Variants in LIMCH1 observed in about 807,000 individuals in gnomAD.
The protein encoded by LIMCH1 is LIM and calponin homology domains-containing protein 1.
A neutral mutation model predicts 176.5 loss-of-function variants in LIMCH1; 113 were observed. The observed-to-expected ratio is 0.64, with a 90% CI of 0.55 to 0.75. The LOEUF is 0.75. Among genes scored for constraint, LIMCH1 ranks in the 30% least tolerant of loss-of-function variants. The pLI is 0.00. For synonymous variants in LIMCH1, 619 were observed against 645.9 expected (o/e 0.96, Z 0.63); for missense variants, 1,674 against 1,814.9 (o/e 0.92, Z 1.41).
At chr4:41,619,150 C>T (rs1434725959) in intron 5 of LIMCH1, 38 bp from the exon 6 acceptor site, 1 of 1,609,936 alleles carries the variant, frequency 6.2e-7, no homozygotes, top group South Asian at 1.1e-5. Flanking sequence ...TTCTGCTAGC[C>T]TAACACACTT....
intron 1 of LIMCH1, among the ~76,000 whole-genome samples, chr4:41,369,806 C>A (rs776340690): frequency 6.6e-6 from 1 of 152,090 alleles, no homozygotes; most frequent in African/African-American, 2.4e-5. Context: ...CTCACTAGGG[C>A]CTCACAGCCA....
intron 3 of LIMCH1, among the ~76,000 whole-genome samples, chr4:41,529,333 G>A (rs754389143): frequency 1.1e-4 from 16 of 152,304 alleles, no homozygotes; most frequent in Admixed American, 8.5e-4. Flanking sequence ...TGTGACAGCC[G>A]TCGTGTGTGC....
chr4:41,583,785 T>C (rs10003433), intron 1 of LIMCH1, among the ~76,000 whole-genome samples: 44,556 of 143,226 alleles, frequency 0.31, 9,632 homozygotes, highest in African/African-American at 0.68. Flanking sequence ...CTCTCTCTCT[T>C]TTTTTTTTTT....
intron 5 of LIMCH1, among the ~76,000 whole-genome samples, chr4:41,615,246 A>C (rs924254850): frequency 3.2e-4 from 49 of 152,146 alleles, no homozygotes; most frequent in Non-Finnish European, 6.6e-4. Flanking sequence ...CATTTTCTTC[A>C]TCCTGTGTTT....
intron 7 of LIMCH1, among the ~76,000 whole-genome samples, chr4:41,621,339 A>G (rs921571008): frequency 2.6e-5 from 4 of 152,190 alleles, no homozygotes; most frequent in Non-Finnish European, 5.9e-5. Context: ...AAGGAAAACT[A>G]TAGTTCTGCA....
intron 1 of LIMCH1, among the ~76,000 whole-genome samples, chr4:41,444,304 G>GTA (rs771592141): frequency 8.4e-5 from 8 of 95,118 alleles, no homozygotes; most frequent in African/African-American, 3.4e-4. Flanking sequence ...GAGTGTGTGT[G>GTA]TATATATATA....
intron 1 of LIMCH1, among the ~76,000 whole-genome samples, chr4:41,395,885 AAAAT>A (rs1405930224): frequency 6.6e-6 from 1 of 152,228 alleles, no homozygotes; most frequent in Non-Finnish European, 1.5e-5. Flanking sequence ...GTCATGGAGA[AAAAT>A]AAAGTAGGGC....
chr4:41,501,758 G>A lies in LIMCH1; in HGVS notation c.167+7152G>A, dbSNP rs541804799. 4.0e-5 allele frequency among the ~76,000 whole-genome samples: 6 copies of A among 149,998 alleles called. No individual in the cohort carries two copies. The South Asian group carries it at 1.3e-3, about 31-fold the overall frequency. On this transcript the variant is annotated intron_variant, in intron 2 of 26. Coordinates refer to the LIMCH1 transcript ENST00000313860. ...CAATAGAAGACAAATTAATTCCCTT[G>A]TCCACTGTATTAAATCTTTAGTGGG...
chr4:41,643,419 GA>G (rs2093920283), intron 14 of LIMCH1, among the ~76,000 whole-genome samples: 1 of 151,998 alleles, frequency 6.6e-6, no homozygotes, highest in Non-Finnish European at 1.5e-5. Flanking sequence ...TCTATGTCTT[GA>G]ATTTTGGGCT....
In LIMCH1 at chr4:41,483,660, C is replaced by T. The variant is rs549003263; in HGVS notation, c.97-10876C>T. ...TTCTCATCCCCACCTGCCGGGAACCCTGTGCTCAGGTCTTTGAAAGCTTTT... is the reference window on the plus strand; with the variant it reads ...TTCTCATCCCCACCTGCCGGGAACCTTGTGCTCAGGTCTTTGAAAGCTTTT... On this transcript the variant is annotated intron_variant, in intron 1 of 26. Coordinates refer to the LIMCH1 transcript ENST00000313860. 1.6e-3 allele frequency among the ~76,000 whole-genome samples: 244 copies of T among 152,310 alleles called. 1 individual carries two copies. Among genetic ancestry groups the T allele is most frequent in the African/African-American group, 5.5e-3 (230 of 41,574 alleles).
At chr4:41,431,907 A>G (rs544347690) in intron 1 of LIMCH1, among the ~76,000 whole-genome samples, 1 of 152,314 alleles carries the variant, frequency 6.6e-6, no homozygotes, top group African/African-American at 2.4e-5. Flanking sequence ...ATAATGACTA[A>G]CACCAATTGA....
At chr4:41,454,940 ATGTGTGTGTG>A (rs761501125) in intron 1 of LIMCH1, among the ~76,000 whole-genome samples, 1,446 of 131,350 alleles carry the variant, frequency 0.011, 23 homozygotes, top group African/African-American at 0.033. Context: ...GTATGCGTAC[ATGTGTGTGTG>A]TGTGTGTGTG....
At chr4:41,476,686 A>C (rs2067798541) in intron 1 of LIMCH1, among the ~76,000 whole-genome samples, 1 of 152,248 alleles carries the variant, frequency 6.6e-6, no homozygotes, top group African/African-American at 2.4e-5. Context: ...GATGGTATTA[A>C]ATGAGGCATC....
In LIMCH1 at chr4:41,699,249, C is replaced by T. The variant is rs1181634197; in HGVS notation, c.*2064C>T. ...GGATTACATGAATATTGCACATTCC[C>T]TTCTGGTTTCACAAACCCATTTATA... On this transcript the variant is annotated 3_prime_UTR_variant, in exon 32 of 32. Coordinates refer to ENST00000503057, the MANE Select transcript of LIMCH1 (RefSeq NM_001330672.2). The T allele has an allele frequency of 2.6e-5, 4 of 152,126 alleles. No homozygotes were observed. Among genetic ancestry groups the T allele is most frequent in the Non-Finnish European group, 5.9e-5 (4 of 68,016 alleles). The allele number at this position is 152,126 out of a possible 1,614,324, so 9.4% of individuals were successfully genotyped here.
At chr4:41,659,056 A>G (rs949748731) in intron 18 of LIMCH1, among the ~76,000 whole-genome samples, 55 of 152,182 alleles carry the variant, frequency 3.6e-4, no homozygotes, top group African/African-American at 1.3e-3. Context: ...ATAAAACCCA[A>G]CTTATTCTTT....
At chr4:41,547,853 T>TTG (rs1280178003) in intron 1 of LIMCH1, among the ~76,000 whole-genome samples, 346 of 102,672 alleles carry the variant, frequency 3.4e-3, no homozygotes, top group African/African-American at 6.6e-3. Context: ...GATATATAAT[T>TTG]TGTGTGTGTG....
chr4:41,683,639 C>G (rs1718121214), intron 26 of LIMCH1, among the ~76,000 whole-genome samples: 1 of 152,166 alleles, frequency 6.6e-6, no homozygotes, highest in Non-Finnish European at 1.5e-5. Flanking sequence ...CAGAGCTTTC[C>G]TGGTGGGATT....
At chr4:41,498,324 A>G (rs1180558613) in intron 2 of LIMCH1, among the ~76,000 whole-genome samples, 3 of 152,140 alleles carry the variant, frequency 2.0e-5, no homozygotes, top group Non-Finnish European at 4.4e-5. Flanking sequence ...GACATCTCTT[A>G]CTCCATATGG....
chr4:41,538,004 T>C (rs186960572), upstream of LIMCH1, among the ~76,000 whole-genome samples: 113 of 152,320 alleles, frequency 7.4e-4, no homozygotes, highest in African/African-American at 2.6e-3. Context: ...TACTGTGTGC[T>C]AGTGGCTGAC....
Sources: gnomAD v4.1 joint callset for allele counts (sites outside exome capture counted in the v4.1 genomes callset) on GRCh38, gnomAD v4.1.1 for gene constraint, MANE v1.5 for transcripts, NCBI Gene and HGNC (gene_info 2026-07-23, HGNC 2026-07-21) for gene names.